FRMPD4: variants seen among roughly 807,000 people sequenced by gnomAD.
FRMPD4 encodes FERM and PDZ domain-containing protein 4.
A neutral mutation model predicts 94.1 loss-of-function variants in FRMPD4; 22 were observed. The ratio of observed to expected loss-of-function variants is 0.23; its 90% CI spans 0.17 to 0.33. The LOEUF is 0.33. FRMPD4 is among the 10% of genes least tolerant of loss of function. The pLI is 1.00. For missense variants in FRMPD4, 1,111 were observed against 1,339.9 expected, an observed-to-expected ratio of 0.83 and a Z score of 2.67; for synonymous variants, 631 against 548.6, an observed-to-expected ratio of 1.15 and a Z score of -2.10.
intron 1 of FRMPD4, among the ~76,000 whole-genome samples, chrX:12,357,083 C>A (rs377070861): frequency 8.9e-6 from 1 of 111,852 alleles, no homozygotes. Context: ...CCTGGCTATT[C>A]TTATTTTAAA....
chrX:12,417,055 G>A (rs1488148759), intron 1 of FRMPD4, among the ~76,000 whole-genome samples: 1 of 111,100 alleles, frequency 9.0e-6, no homozygotes, highest in Non-Finnish European at 1.9e-5. Flanking sequence ...TTCCGGGAGG[G>A]CGTGTCTGAC....
chrX:12,712,506 G>A (rs766604216), intron 14 of FRMPD4, among the ~76,000 whole-genome samples: 1 of 111,455 alleles, frequency 9.0e-6, no homozygotes, highest in East Asian at 2.8e-4. Context: ...CTATGACTAC[G>A]CCACTACACT....
chrX:12,013,858 A>G (rs933122045), intron 3 of FRMPD4, among the ~76,000 whole-genome samples: 5 of 113,196 alleles, frequency 4.4e-5, no homozygotes, highest in Non-Finnish European at 9.4e-5. Flanking sequence ...ATATTACATG[A>G]GTATATTCTT....
intron 2 of FRMPD4, among the ~76,000 whole-genome samples, chrX:12,557,401 C>T (rs777373915): frequency 1.4e-4 from 16 of 111,968 alleles, no homozygotes; most frequent in Admixed American, 1.9e-4. Context: ...GGGAAGGCTT[C>T]GAAGAAAGCC....
intron 3 of FRMPD4, among the ~76,000 whole-genome samples, chrX:12,093,274 C>T: frequency 9.1e-6 from 1 of 110,049 alleles, no homozygotes; most frequent in Non-Finnish European, 1.9e-5. Context: ...AAATGGAATC[C>T]TCTGGATGCA....
At chrX:12,075,266 ATGT>A (rs1464301722) in intron 3 of FRMPD4, among the ~76,000 whole-genome samples, 1 of 109,380 alleles carries the variant, frequency 9.1e-6, no homozygotes, top group Admixed American at 9.8e-5. Flanking sequence ...CTGTGTGATA[ATGT>A]TGTATCGATA....
chrX:11,949,928 T>C (rs779028813), intron 3 of FRMPD4, among the ~76,000 whole-genome samples: 1 of 112,441 alleles, frequency 8.9e-6, no homozygotes, highest in Non-Finnish European at 1.9e-5. Context: ...GTGTTCAACA[T>C]GCTGCCTTGA....
At chrX:12,473,523 T>C (rs1350994215) in intron 1 of FRMPD4, among the ~76,000 whole-genome samples, 7 of 109,527 alleles carry the variant, frequency 6.4e-5, no homozygotes, top group Non-Finnish European at 7.5e-5. Context: ...GACTGGCAAA[T>C]TGGATAAACA....
chrX:12,081,438 G>A (rs773812897), intron 3 of FRMPD4, among the ~76,000 whole-genome samples: 2 of 111,118 alleles, frequency 1.8e-5, no homozygotes. Context: ...GTCATGACTC[G>A]ATGTTTCTCT....
chrX:12,333,293 A>C (rs1224685248), intron 1 of FRMPD4, among the ~76,000 whole-genome samples: 1 of 109,893 alleles, frequency 9.1e-6, no homozygotes, highest in Admixed American at 9.7e-5. Flanking sequence ...CCTAAGCCAC[A>C]TTGAGGATTT....
chrX:12,517,325 A>C (rs1431792087), intron 2 of FRMPD4, among the ~76,000 whole-genome samples: 2 of 89,724 alleles, frequency 2.2e-5, no homozygotes, highest in Non-Finnish European at 4.5e-5. Context: ...GATTCGTTCT[A>C]ATCTTCATGA....
intron 3 of FRMPD4, among the ~76,000 whole-genome samples, chrX:11,960,590 G>C (rs2054278847): frequency 8.9e-6 from 1 of 112,224 alleles, no homozygotes; most frequent in Non-Finnish European, 1.9e-5. Context: ...GTAATACAAA[G>C]ATATATGTGC....
chrX:12,310,223 G>A lies in FRMPD4; in HGVS notation c.41+171211G>A, dbSNP rs777015894. Among the ~76,000 whole-genome samples, 808 of 109,533 alleles carry A rather than the reference G, an allele frequency of 7.4e-3. 5 individuals carry two copies. Among genetic ancestry groups the A allele is most frequent in the Middle Eastern group, 0.023 (5 of 215 alleles). On this transcript the variant is annotated intron_variant, in intron 1 of 16. Coordinates refer to ENST00000675598, the MANE Select transcript of FRMPD4 (RefSeq NM_001368397.1). ...GTTTGTTATCTGGTGGGCAGGAGTGGGGGGTCGCAAGGTGCTCAGTGGGGG... is the reference window on the plus strand; with the variant it reads ...GTTTGTTATCTGGTGGGCAGGAGTGAGGGGTCGCAAGGTGCTCAGTGGGGG...
intron 4 of FRMPD4, among the ~76,000 whole-genome samples, chrX:12,629,846 T>C (rs1215755691): frequency 8.9e-6 from 1 of 112,242 alleles, no homozygotes; most frequent in Non-Finnish European, 1.9e-5. Flanking sequence ...TCATTACTGC[T>C]CTGGAAATTG....
intron 1 of FRMPD4, among the ~76,000 whole-genome samples, chrX:12,252,881 G>A (rs764992106): frequency 1.8e-5 from 2 of 111,367 alleles, no homozygotes; most frequent in East Asian, 5.6e-4. Context: ...CAAGGTCAAG[G>A]GGAGGAAATA....
At chrX:11,886,897 A>G (rs1477896049) in intron 3 of FRMPD4, among the ~76,000 whole-genome samples, 1 of 110,793 alleles carries the variant, frequency 9.0e-6, no homozygotes, top group East Asian at 2.8e-4. Flanking sequence ...CTCTGCTTAC[A>G]TGTCTCCTCG....
At chrX:11,967,756 G>GTTTTTTTT (rs11431796) in intron 3 of FRMPD4, among the ~76,000 whole-genome samples, 1 of 65,556 alleles carries the variant, frequency 1.5e-5, no homozygotes, top group Non-Finnish European at 2.8e-5. Flanking sequence ...GTGTGTGTGT[G>GTTTTTTTT]TTTTTTTTTT....
At chrX:12,521,795 G>GGA (rs1047593094) in intron 2 of FRMPD4, among the ~76,000 whole-genome samples, 41 of 111,023 alleles carry the variant, frequency 3.7e-4, no homozygotes, top group African/African-American at 1.2e-3. Context: ...GGGTGACCCT[G>GGA]GAGAGAGAGA....
At chrX:12,218,837 T>G (rs1382442721) in intron 1 of FRMPD4, among the ~76,000 whole-genome samples, 1 of 112,546 alleles carries the variant, frequency 8.9e-6, no homozygotes, top group Non-Finnish European at 1.9e-5. Context: ...CCCTCCCTAC[T>G]TTCAAACATA....
Sources: gnomAD v4.1 joint callset for allele counts (sites outside exome capture counted in the v4.1 genomes callset) on GRCh38, gnomAD v4.1.1 for gene constraint, MANE v1.5 for transcripts, NCBI Gene and HGNC (gene_info 2026-07-23, HGNC 2026-07-21) for gene names.